CNTN6: variants seen among roughly 807,000 people sequenced by gnomAD.
The protein encoded by CNTN6 is contactin-6.
Under a neutral mutation model 122.8 loss-of-function variants are expected in CNTN6, and 137 were observed. The ratio of observed to expected loss-of-function variants is 1.12; its 90% CI spans 0.97 to 1.29. The LOEUF (loss-of-function observed/expected upper bound fraction) is 1.29, where lower values mean the gene tolerates loss of function less well. CNTN6 is among the 50% of genes most tolerant of loss of function. The pLI is 0.00. For synonymous variants in CNTN6, 570 were observed against 426.0 expected (o/e 1.34, Z -4.16); for missense variants, 1,634 against 1,223.4 (o/e 1.34, Z -5.01).
intron 2 of CNTN6, among the ~76,000 whole-genome samples, chr3:1,187,205 A>G (rs772011408): frequency 2.6e-5 from 4 of 152,084 alleles, no homozygotes; most frequent in Non-Finnish European, 5.9e-5. Flanking sequence ...GAGGCAAGCA[A>G]CTCAAAAAAA....
chr3:1,174,856 T>C (rs550007885), intron 2 of CNTN6, among the ~76,000 whole-genome samples: 9 of 152,236 alleles, frequency 5.9e-5, no homozygotes, highest in African/African-American at 1.7e-4. Context: ...AGTCCGGAAA[T>C]AATTGTTTAT....
intron 4 of CNTN6, among the ~76,000 whole-genome samples, chr3:1,241,992 G>A (rs1182045274): frequency 6.6e-6 from 1 of 152,200 alleles, no homozygotes; most frequent in African/African-American, 2.4e-5. Context: ...TTCCGACCAT[G>A]CTAACCATGC....
At chr3:1,165,159 AG>A (rs2093217993) in intron 2 of CNTN6, among the ~76,000 whole-genome samples, 1 of 152,134 alleles carries the variant, frequency 6.6e-6, no homozygotes, top group South Asian at 2.1e-4. Flanking sequence ...TGTGGCTTGG[AG>A]GAACCAGAAA....
chr3:1,117,593 C>A (rs1221877691), intron 1 of CNTN6, among the ~76,000 whole-genome samples: 3 of 152,138 alleles, frequency 2.0e-5, no homozygotes, highest in Non-Finnish European at 1.5e-5. Flanking sequence ...GAACCTACAA[C>A]CTGTTAGTAT....
intron 2 of CNTN6, among the ~76,000 whole-genome samples, chr3:1,219,013 A>G (rs2094168070): frequency 6.6e-6 from 1 of 152,246 alleles, no homozygotes; most frequent in Admixed American, 6.5e-5. Context: ...GCCATTTGAA[A>G]GCATCGAATA....
rs555759949 is a variant in CNTN6, at chr3:1,110,961, C to T, written c.-83+17841C>T. ...GGATTTGAATACTTGTCAGATGAAC[C>T]ACTTACTACATGATTGGCCAGAGAC... is the stretch of plus-strand genomic sequence containing the variant. On this transcript the variant is annotated intron_variant, in intron 1 of 22. Coordinates refer to ENST00000446702, the MANE Select transcript of CNTN6 (RefSeq NM_001289080.2). Among the ~76,000 whole-genome samples the T allele has an allele frequency of 2.6e-5, 4 of 152,096 alleles. No homozygotes were observed. In the East Asian group the frequency reaches 5.8e-4, roughly 22 times the overall value.
chr3:1,347,457 A>G (rs1704908828), intron 11 of CNTN6, among the ~76,000 whole-genome samples: 1 of 152,122 alleles, frequency 6.6e-6, no homozygotes, highest in Non-Finnish European at 1.5e-5. Context: ...TTATTGAGGA[A>G]ATAAGGAGGA....
intron 1 of CNTN6, among the ~76,000 whole-genome samples, chr3:1,135,337 G>A (rs2092444385): frequency 6.6e-6 from 1 of 152,150 alleles, no homozygotes; most frequent in Non-Finnish European, 1.5e-5. Context: ...GATTGACAAT[G>A]GGAGCACATA....
At position 1,372,894 on chromosome 3, in the gene CNTN6, T is replaced by A; in HGVS notation, c.1725T>A (p.Tyr575Ter). Residue 575 changes from tyrosine to a stop codon, truncating the protein, a stop_gained, in exon 14 of 23, where the codon TAT becomes TAA. Transcript: ENST00000446702. LOFTEE classifies it high-confidence loss of function. ...TTCAGTTACATCATTCAGGAAAATA[T>A]CTCTGCACAGTACAAACAACCCTAG... ...RNIQLHHSGK[Y>*]LCTVQTTLES... 2 of 1,611,144 alleles carry A rather than the reference T, an allele frequency of 1.2e-6. No individual in the cohort carries two copies. The highest frequency in any genetic ancestry group is 2.2e-5 in the South Asian group (2 of 90,766).
rs568112661 is a variant in CNTN6 at position 1,308,737 on chromosome 3, C to A, written c.761+10746C>A. ...AGTGCTGTCCCATTTTGCAATACCA[C>A]CAGTAATAAATTAGAATTTTGATTT... On this transcript the variant is annotated intron_variant, in intron 7 of 22. Transcript: ENST00000446702. Among the ~76,000 whole-genome samples, 14 of 152,154 alleles carry A rather than the reference C, an allele frequency of 9.2e-5. No homozygotes were observed. The East Asian group carries it at 2.7e-3, about 29-fold the overall frequency.
intron 4 of CNTN6, among the ~76,000 whole-genome samples, chr3:1,245,295 CATATAT>C (rs71056326): frequency 0.015 from 56 of 3,798 alleles, 5 homozygotes; most frequent in African/African-American, 0.044. Context: ...ATATATATAA[CATATAT>C]ATATATATAT....
intron 4 of CNTN6, among the ~76,000 whole-genome samples, chr3:1,275,782 C>A (rs1457349294): frequency 7.0e-6 from 1 of 143,506 alleles, no homozygotes; most frequent in Non-Finnish European, 1.6e-5. Context: ...CTATGAGAAT[C>A]TAATGCCACT....
chr3:1,327,784 A>T (rs1315670264), intron 10 of CNTN6, among the ~76,000 whole-genome samples, 198 bp downstream of exon 10: 1 of 151,878 alleles, frequency 6.6e-6, no homozygotes, highest in Non-Finnish European at 1.5e-5. Context: ...GGCTTCAGAA[A>T]AAAACCCACC....
chr3:1,393,524 T>C (rs1037968556), intron 20 of CNTN6, among the ~76,000 whole-genome samples: 1 of 145,966 alleles, frequency 6.9e-6, no homozygotes, highest in African/African-American at 2.5e-5. Flanking sequence ...AACCTGCACG[T>C]TGTGCACATG....
At chr3:1,384,429 G>GA (rs968231325) in intron 19 of CNTN6, among the ~76,000 whole-genome samples, 3 of 151,092 alleles carry the variant, frequency 2.0e-5, no homozygotes, top group South Asian at 2.1e-4. Context: ...GTTAAGTAAT[G>GA]AAAAAAAATA....
At chr3:1,354,345 A>G (rs1042119864) in intron 12 of CNTN6, among the ~76,000 whole-genome samples, 8 of 148,102 alleles carry the variant, frequency 5.4e-5, no homozygotes, top group African/African-American at 2.0e-4. Flanking sequence ...TAAAACAATA[A>G]TTAATCAAGA....
chr3:1,252,302 T>G (rs2094684595), intron 4 of CNTN6, among the ~76,000 whole-genome samples: 1 of 152,164 alleles, frequency 6.6e-6, no homozygotes. Flanking sequence ...GAAGCACATT[T>G]TTTAATTCTT....
intron 4 of CNTN6, among the ~76,000 whole-genome samples, chr3:1,248,316 T>A (rs908604059): frequency 6.6e-6 from 1 of 152,168 alleles, no homozygotes; most frequent in Non-Finnish European, 1.5e-5. Context: ...ACCACATGAG[T>A]ATTTCAAGTT....
intron 2 of CNTN6, among the ~76,000 whole-genome samples, chr3:1,192,905 G>A (rs1012285607): frequency 6.6e-6 from 1 of 152,154 alleles, no homozygotes; most frequent in Non-Finnish European, 1.5e-5. Context: ...TAAACTCCAC[G>A]TATTTGAACA....
Sources: allele counts gnomAD v4.1 joint callset (sites outside exome capture counted in the v4.1 genomes callset), GRCh38; gene constraint gnomAD v4.1.1; transcripts MANE v1.5; gene names NCBI Gene and HGNC (gene_info 2026-07-23, HGNC 2026-07-21).